Variants in CLNK observed in about 807,000 individuals in gnomAD.
CLNK encodes cytokine dependent hematopoietic cell linker, also known as cytokine-dependent hematopoietic cell linker.
CLNK carries 74 observed loss-of-function variants against 68.6 expected under a neutral mutation model. The ratio of observed to expected loss-of-function variants is 1.08; its 90% CI spans 0.89 to 1.31. The LOEUF (loss-of-function observed/expected upper bound fraction) is 1.31, where lower values mean the gene tolerates loss of function less well. Among genes scored for constraint, CLNK ranks in the 50% most tolerant of loss-of-function variants. The pLI, the probability that CLNK is intolerant of heterozygous loss-of-function variation, is 0.00. For synonymous variants in CLNK, 198 were observed against 172.2 expected (o/e 1.15, Z -1.17); for missense variants, 553 against 515.3 (o/e 1.07, Z -0.71).
At chr4:10,491,123 CAA>C (rs1160760022) in intron 18 of CLNK, among the ~76,000 whole-genome samples, 2 of 152,128 alleles carry the variant, frequency 1.3e-5, no homozygotes, top group Non-Finnish European at 2.9e-5. Context: ...AGAATGATAA[CAA>C]GAGAGAAAAA....
chr4:10,673,454 G>A (rs917184343), intron 1 of CLNK, among the ~76,000 whole-genome samples: 1 of 152,130 alleles, frequency 6.6e-6, no homozygotes, highest in Non-Finnish European at 1.5e-5. Context: ...TTAATAAAAT[G>A]TGGCACATAT....
intron 16 of CLNK, among the ~76,000 whole-genome samples, chr4:10,509,562 T>A (rs189730941): frequency 9.9e-5 from 15 of 152,014 alleles, no homozygotes; most frequent in African/African-American, 3.1e-4. Context: ...TTTGCTCTTG[T>A]TGCCCTGGCT....
intron 2 of CLNK, among the ~76,000 whole-genome samples, chr4:10,648,845 C>T (rs114993677): frequency 6.6e-6 from 1 of 152,148 alleles, no homozygotes; most frequent in African/African-American, 2.4e-5. Context: ...TGCATCTTAT[C>T]GACTTCACAT....
intron 14 of CLNK, among the ~76,000 whole-genome samples, chr4:10,524,292 G>A (rs1310386858): frequency 2.0e-5 from 3 of 152,168 alleles, no homozygotes; most frequent in Non-Finnish European, 4.4e-5. Context: ...GGAGCAGAAA[G>A]GCATAGGGTA....
At chr4:10,536,780 A>G (rs1282526106) in intron 11 of CLNK, among the ~76,000 whole-genome samples, 1 of 152,190 alleles carries the variant, frequency 6.6e-6, no homozygotes, top group African/African-American at 2.4e-5. Context: ...TCTAAAAATG[A>G]TTAAATAAAA....
At chr4:10,612,998 C>G (rs957433839) in intron 2 of CLNK, among the ~76,000 whole-genome samples, 1 of 152,170 alleles carries the variant, frequency 6.6e-6, no homozygotes, top group Non-Finnish European at 1.5e-5. Flanking sequence ...ATGAATTCAA[C>G]AACACATTTA....
intron 4 of CLNK, among the ~76,000 whole-genome samples, chr4:10,574,542 A>T (rs1167475094): frequency 2.6e-5 from 4 of 152,108 alleles, no homozygotes. Flanking sequence ...TTAGCCGGAA[A>T]CCACCTCTGC....
chr4:10,577,058 C>T (rs540906048), intron 4 of CLNK, among the ~76,000 whole-genome samples: 3 of 152,030 alleles, frequency 2.0e-5, no homozygotes, highest in Non-Finnish European at 2.9e-5. Context: ...CCAGTGGGTC[C>T]CATGGTGAGA....
chr4:10,655,255 C>T (rs1240426255), intron 2 of CLNK, among the ~76,000 whole-genome samples: 2 of 151,254 alleles, frequency 1.3e-5, no homozygotes, highest in Admixed American at 6.6e-5. Context: ...AACTAGAGAA[C>T]CCAACGTCAT....
chr4:10,597,860 C>CTAAG, intron 3 of CLNK, 118 bp downstream of exon 3: 1 of 713,754 alleles, frequency 1.4e-6, no homozygotes. Context: ...TGTCTGACCT[C>CTAAG]TAAGTCACTA....
At chr4:10,543,342 A>C (rs200389439) in intron 8 of CLNK, among the ~76,000 whole-genome samples, 2 of 152,198 alleles carry the variant, frequency 1.3e-5, no homozygotes, top group Non-Finnish European at 2.9e-5. Context: ...GCTGTTGGGG[A>C]ATCAGTGAGA....
chr4:10,574,095 C>T (rs1720458208), intron 4 of CLNK, among the ~76,000 whole-genome samples: 1 of 152,130 alleles, frequency 6.6e-6, no homozygotes, highest in Non-Finnish European at 1.5e-5. Context: ...TCCTAGAGTA[C>T]CTATCTGTGT....
intron 18 of CLNK, among the ~76,000 whole-genome samples, chr4:10,495,003 C>T (rs1004749803): frequency 1.4e-4 from 21 of 151,314 alleles, no homozygotes; most frequent in African/African-American, 4.6e-4. Flanking sequence ...TGGGTACACA[C>T]ATGAGAGTGA....
chr4:10,524,228 G>A (rs1339792501), intron 14 of CLNK, among the ~76,000 whole-genome samples: 2 of 152,106 alleles, frequency 1.3e-5, no homozygotes, highest in Non-Finnish European at 2.9e-5. Context: ...CACAGGCCAA[G>A]AAATGAGAAT....
At chr4:10,497,016 G>A (rs928760188) in intron 18 of CLNK, among the ~76,000 whole-genome samples, 1 of 152,104 alleles carries the variant, frequency 6.6e-6, no homozygotes, top group Non-Finnish European at 1.5e-5. Context: ...CCAATTCTTT[G>A]TTCAAGATGC....
intron 5 of CLNK, among the ~76,000 whole-genome samples, chr4:10,571,101 T>C (rs1720324765): frequency 6.6e-6 from 1 of 152,180 alleles, no homozygotes; most frequent in South Asian, 2.1e-4. Context: ...AAAATTTTAC[T>C]ATGAGTGTTA....
the CLNK span, among the ~76,000 whole-genome samples, chr4:10,713,816 C>T: frequency 6.6e-6 from 1 of 152,152 alleles, no homozygotes; most frequent in African/African-American, 2.4e-5. Flanking sequence ...GATGCCAGCA[C>T]CATGCTTCTT....
chr4:10,573,165 T>C (rs1470436881), intron 4 of CLNK, among the ~76,000 whole-genome samples: 1 of 152,206 alleles, frequency 6.6e-6, no homozygotes, highest in African/African-American at 2.4e-5. Context: ...TCACTCTGAA[T>C]TCCCCTATCT....
intron 11 of CLNK, among the ~76,000 whole-genome samples, chr4:10,538,854 G>A (rs114265690): frequency 0.015 from 2,278 of 152,258 alleles, 38 homozygotes; most frequent in Non-Finnish European, 0.023. Context: ...AGGGCCCAAG[G>A]TAATAAAAGT....
Sources: allele counts gnomAD v4.1 joint callset (sites outside exome capture counted in the v4.1 genomes callset), GRCh38; gene constraint gnomAD v4.1.1; transcripts MANE v1.5; gene names NCBI Gene and HGNC (gene_info 2026-07-23, HGNC 2026-07-21).